The following LRP1B variants were observed in gnomAD, a reference collection of about 807,000 sequenced individuals.
LRP1B encodes LDL receptor related protein 1B, also known as low-density lipoprotein receptor-related protein 1B.
Under a neutral mutation model 556.6 loss-of-function variants are expected in LRP1B, and 217 were observed. The observed-to-expected ratio is 0.39, with a 90% CI of 0.35 to 0.44. The LOEUF (loss-of-function observed/expected upper bound fraction) is 0.44, where lower values mean the gene tolerates loss of function less well. LRP1B is among the 20% of genes least tolerant of loss of function. LRP1B has a pLI of 1.00. For synonymous variants in LRP1B, 2,047 were observed against 1,865.8 expected (o/e 1.10, Z -2.50); for missense variants, 5,053 against 5,620.8 (o/e 0.90, Z 3.23).
At chr2:140,594,419 T>A (rs2105176124) in intron 43 of LRP1B, among the ~76,000 whole-genome samples, 1 of 152,354 alleles carries the variant, frequency 6.6e-6, no homozygotes, top group East Asian at 1.9e-4. Flanking sequence ...CCTATCAGAC[T>A]TTGTTTAAAA....
chr2:140,406,773 C>A (rs1684757270), intron 66 of LRP1B, among the ~76,000 whole-genome samples: 1 of 152,032 alleles, frequency 6.6e-6, no homozygotes, highest in South Asian at 2.1e-4. Flanking sequence ...CTCTCCAAAG[C>A]AATCTATAGA....
intron 11 of LRP1B, among the ~76,000 whole-genome samples, chr2:141,044,022 C>A (rs1465861731): frequency 6.6e-6 from 1 of 151,906 alleles, no homozygotes; most frequent in Non-Finnish European, 1.5e-5. Context: ...TCAAACTATA[C>A]TACAAGGCTA....
At chr2:141,595,125 A>C (rs1043719388) in intron 2 of LRP1B, among the ~76,000 whole-genome samples, 2 of 152,154 alleles carry the variant, frequency 1.3e-5, no homozygotes, top group Non-Finnish European at 2.9e-5. Context: ...TATTAATTTG[A>C]TTAAATTTTA....
intron 41 of LRP1B, among the ~76,000 whole-genome samples, chr2:140,696,428 T>A (rs1268141525): frequency 6.6e-6 from 1 of 152,192 alleles, no homozygotes; most frequent in Non-Finnish European, 1.5e-5. Flanking sequence ...TTATATTTTT[T>A]AAGTTTTAGT....
chr2:141,681,350 A>G (rs545062538), intron 2 of LRP1B, among the ~76,000 whole-genome samples: 2 of 151,806 alleles, frequency 1.3e-5, no homozygotes, highest in Non-Finnish European at 3.0e-5. Flanking sequence ...GTAAATAAAA[A>G]AAAAATTCAA....
At chr2:141,409,862 G>T (rs890642706) in intron 3 of LRP1B, among the ~76,000 whole-genome samples, 1 of 151,986 alleles carries the variant, frequency 6.6e-6, no homozygotes. Flanking sequence ...GAAGGATTAA[G>T]CCACACAATA....
chr2:142,091,762 T>C (rs771622636), intron 1 of LRP1B, among the ~76,000 whole-genome samples: 10 of 152,190 alleles, frequency 6.6e-5, no homozygotes, highest in Non-Finnish European at 1.5e-4. Context: ...AAGAAAGTCA[T>C]GACTAGCATA....
chr2:142,020,658 G>A (rs1416448480), intron 1 of LRP1B, among the ~76,000 whole-genome samples: 1 of 151,984 alleles, frequency 6.6e-6, no homozygotes, highest in Non-Finnish European at 1.5e-5. Context: ...GAGTGGCTCA[G>A]CTAATTAGAA....
At chr2:141,539,231 T>C (rs1685168795) in intron 2 of LRP1B, among the ~76,000 whole-genome samples, 1 of 152,122 alleles carries the variant, frequency 6.6e-6, no homozygotes, top group African/African-American at 2.4e-5. Context: ...AGGATGTATA[T>C]AGTACTACAG....
intron 2 of LRP1B, among the ~76,000 whole-genome samples, chr2:141,637,811 C>T (rs910692471): frequency 6.6e-6 from 1 of 152,146 alleles, no homozygotes; most frequent in Admixed American, 6.5e-5. Context: ...GAGGTGGGAC[C>T]TAGTGGGAGA....
chr2:140,646,315 C>T (rs1684482971), intron 41 of LRP1B, among the ~76,000 whole-genome samples: 1 of 152,168 alleles, frequency 6.6e-6, no homozygotes, highest in Admixed American at 6.5e-5. Flanking sequence ...CTGATCACCG[C>T]ATGTTTGAAC....
chr2:141,433,198 AT>A (rs1160398819), intron 3 of LRP1B, among the ~76,000 whole-genome samples: 3 of 151,892 alleles, frequency 2.0e-5, no homozygotes, highest in Non-Finnish European at 2.9e-5. Flanking sequence ...TATTTTCCAA[AT>A]TTCCTTCTGT....
chr2:141,731,857 T>C (rs1005930221), intron 2 of LRP1B, among the ~76,000 whole-genome samples: 1 of 152,254 alleles, frequency 6.6e-6, no homozygotes, highest in Admixed American at 6.5e-5. Context: ...ACACTACTGT[T>C]TTTCTCACTG....
At chr2:141,285,804 C>T (rs558572671) in intron 3 of LRP1B, among the ~76,000 whole-genome samples, 2 of 146,752 alleles carry the variant, frequency 1.4e-5, no homozygotes, top group East Asian at 4.2e-4. Context: ...CGGTGGCTCA[C>T]GCCTGTAATC....
intron 3 of LRP1B, among the ~76,000 whole-genome samples, chr2:141,324,044 A>G (rs1375239228): frequency 6.6e-6 from 1 of 150,998 alleles, no homozygotes; most frequent in Non-Finnish European, 1.5e-5. Context: ...ACACACACAC[A>G]CACACACACA....
intron 1 of LRP1B, among the ~76,000 whole-genome samples, chr2:142,086,227 G>C (rs1022535845): frequency 4.6e-5 from 7 of 152,296 alleles, no homozygotes; most frequent in African/African-American, 1.7e-4. Context: ...AGGCAAGTTA[G>C]TCCTTAGAAA....
intron 7 of LRP1B, among the ~76,000 whole-genome samples, chr2:141,120,177 CA>C (rs1701011086): frequency 6.6e-6 from 1 of 151,818 alleles, no homozygotes; most frequent in African/African-American, 2.4e-5. Context: ...TTAAACAAAT[CA>C]AGGCATGGAC....
intron 7 of LRP1B, among the ~76,000 whole-genome samples, chr2:141,070,117 C>T (rs962482808): frequency 6.6e-6 from 1 of 151,306 alleles, no homozygotes; most frequent in African/African-American, 2.4e-5. Flanking sequence ...TCCATGTCCC[C>T]ACAAAGGACA....
chr2:141,236,575 T>C (rs1034605163), intron 5 of LRP1B, among the ~76,000 whole-genome samples: 2 of 152,188 alleles, frequency 1.3e-5, no homozygotes, highest in Non-Finnish European at 2.9e-5. Flanking sequence ...TGTTGGATTA[T>C]TTAAAAATGT....
Sources: gnomAD v4.1 joint callset for allele counts (sites outside exome capture counted in the v4.1 genomes callset) on GRCh38, gnomAD v4.1.1 for gene constraint, MANE v1.5 for transcripts, NCBI Gene and HGNC (gene_info 2026-07-23, HGNC 2026-07-21) for gene names.